The following RBFOX1 variants were observed in gnomAD, a reference collection of about 807,000 sequenced individuals.
RBFOX1 encodes RNA binding fox-1 homolog 1.
In RBFOX1, 8 loss-of-function variants were observed where a neutral mutation model predicts 57.7. The ratio of observed to expected loss-of-function variants is 0.14; its 90% CI spans 0.08 to 0.25. The LOEUF is 0.25. Among genes scored for constraint, RBFOX1 ranks in the 10% least tolerant of loss-of-function variants. RBFOX1 has a pLI of 1.00. For missense variants in RBFOX1, 611 were observed against 548.5 expected, an observed-to-expected ratio of 1.11 and a Z score of -1.14; for synonymous variants, 326 against 222.4, an observed-to-expected ratio of 1.47 and a Z score of -4.15.
intron 2 of RBFOX1, among the ~76,000 whole-genome samples, chr16:6,409,240 C>T (rs1052976876): frequency 2.0e-5 from 3 of 152,036 alleles, no homozygotes; most frequent in African/African-American, 7.2e-5. Context: ...ATAGTGAAAC[C>T]CCATCTCTAC....
chr16:7,673,598 G>C (rs982236675), intron 13 of RBFOX1, among the ~76,000 whole-genome samples: 5 of 152,110 alleles, frequency 3.3e-5, no homozygotes, highest in African/African-American at 9.7e-5. Flanking sequence ...TGCTTAATGG[G>C]TAACTACCTC....
intron 10 of RBFOX1, among the ~76,000 whole-genome samples, chr16:7,624,678 T>C (rs2059814145): frequency 6.6e-6 from 1 of 152,172 alleles, no homozygotes; most frequent in Non-Finnish European, 1.5e-5. Context: ...ACTCAGACAT[T>C]GCCCTGCAGG....
At chr16:5,605,919 C>G (rs1373409643) in intron 3 of RBFOX1, among the ~76,000 whole-genome samples, 1 of 152,132 alleles carries the variant, frequency 6.6e-6, no homozygotes, top group African/African-American at 2.4e-5. Context: ...CTTGTAGCAG[C>G]CATCATGGAA....
At chr16:6,992,816 A>G (rs2091706978) in intron 3 of RBFOX1, among the ~76,000 whole-genome samples, 1 of 141,980 alleles carries the variant, frequency 7.0e-6, no homozygotes. Flanking sequence ...ATGGCCCAGA[A>G]AGGCTGATTC....
In RBFOX1 at chr16:6,934,551, G is replaced by T. The variant is rs116294178; in HGVS notation, c.-15-117506G>T. 5.7e-3 allele frequency among the ~76,000 whole-genome samples: 869 copies of T among 152,234 alleles called. 12 individuals carry two copies. The highest frequency in any genetic ancestry group is 0.02 in the African/African-American group (824 of 41,544). ...GTGGAGTACTATTTGGACATAAAAA[G>T]AAGGAATTTTTTAAAAAGATAACAA... On this transcript the variant is annotated intron_variant, in intron 3 of 15. Transcript: ENST00000550418.
chr16:7,243,841 C>T (rs778044041), intron 4 of RBFOX1, among the ~76,000 whole-genome samples: 1 of 152,160 alleles, frequency 6.6e-6, no homozygotes, highest in Non-Finnish European at 1.5e-5. Context: ...TGAGCCACTG[C>T]ATCCTACCCC....
chr16:6,996,029 C>G (rs543664277), intron 3 of RBFOX1, among the ~76,000 whole-genome samples: 41 of 152,256 alleles, frequency 2.7e-4, no homozygotes, highest in African/African-American at 9.9e-4. Flanking sequence ...CTCAACTTAC[C>G]TTGATAACTG....
intron 2 of RBFOX1, among the ~76,000 whole-genome samples, chr16:6,503,097 T>G (rs1207022189): frequency 1.3e-5 from 2 of 152,198 alleles, no homozygotes; most frequent in Non-Finnish European, 2.9e-5. Flanking sequence ...TCAACAGACC[T>G]AAGAAACTAT....
intron 1 of RBFOX1, among the ~76,000 whole-genome samples, chr16:5,413,306 T>A (rs1208167777): frequency 6.6e-6 from 1 of 152,182 alleles, no homozygotes; most frequent in Non-Finnish European, 1.5e-5. Flanking sequence ...CATGGCCCTT[T>A]TTCTTTCTTT....
chr16:6,814,192 A>G (rs1335925526), intron 3 of RBFOX1, among the ~76,000 whole-genome samples: 1 of 149,560 alleles, frequency 6.7e-6, no homozygotes, highest in South Asian at 2.1e-4. Flanking sequence ...TGCATGATCA[A>G]CATGATGATA....
intron 3 of RBFOX1, among the ~76,000 whole-genome samples, chr16:6,879,346 C>G (rs369719528): frequency 2.2e-4 from 34 of 152,164 alleles, no homozygotes; most frequent in African/African-American, 6.3e-4. Context: ...CACTCTGTCT[C>G]CTATCTTTCC....
intron 3 of RBFOX1, among the ~76,000 whole-genome samples, chr16:6,684,928 C>G (rs1364875828): frequency 6.6e-6 from 1 of 152,174 alleles, no homozygotes. Flanking sequence ...TATACATTTT[C>G]TGGCTTTACT....
chr16:5,435,150 C>T (rs1404839707), intron 1 of RBFOX1, among the ~76,000 whole-genome samples: 1 of 152,242 alleles, frequency 6.6e-6, no homozygotes, highest in Non-Finnish European at 1.5e-5. Flanking sequence ...TCTAGCAACT[C>T]ACCTGATTCT....
chr16:5,481,283 G>T (rs1319098629), intron 2 of RBFOX1, among the ~76,000 whole-genome samples: 1 of 152,144 alleles, frequency 6.6e-6, no homozygotes, highest in Non-Finnish European at 1.5e-5. Flanking sequence ...CATAATGTCT[G>T]GTTTCTTGTT....
chr16:6,813,381 C>G (rs2089257368), intron 3 of RBFOX1, among the ~76,000 whole-genome samples: 1 of 152,132 alleles, frequency 6.6e-6, no homozygotes, highest in South Asian at 2.1e-4. Context: ...CAATTCCCAT[C>G]TTGAGAATGC....
chr16:5,582,531 T>C (rs574891807), intron 2 of RBFOX1, among the ~76,000 whole-genome samples: 269 of 150,178 alleles, frequency 1.8e-3, no homozygotes, highest in African/African-American at 6.4e-3. Flanking sequence ...AACCCAGGCA[T>C]TTTCAAAGCA....
At chr16:7,465,677 C>T (rs990606146) in intron 4 of RBFOX1, among the ~76,000 whole-genome samples, 1 of 152,158 alleles carries the variant, frequency 6.6e-6, no homozygotes, top group Non-Finnish European at 1.5e-5. Flanking sequence ...AGAGTATACC[C>T]TGGGGATCCT....
intron 2 of RBFOX1, among the ~76,000 whole-genome samples, chr16:6,412,862 C>CCAGTA (rs2093504575): frequency 6.6e-6 from 1 of 152,140 alleles, no homozygotes; most frequent in African/African-American, 2.4e-5. Context: ...GGAGCGTGCA[C>CCAGTA]CTGGCATTTG....
chr16:6,605,024 G>A (rs1428260852), intron 2 of RBFOX1, among the ~76,000 whole-genome samples: 1 of 151,816 alleles, frequency 6.6e-6, no homozygotes, highest in African/African-American at 2.4e-5. Flanking sequence ...TATAGTGTGT[G>A]CATATATATA....
Sources: allele counts gnomAD v4.1 joint callset (sites outside exome capture counted in the v4.1 genomes callset), GRCh38; gene constraint gnomAD v4.1.1; transcripts MANE v1.5; gene names NCBI Gene and HGNC (gene_info 2026-07-23, HGNC 2026-07-21).